The following RANBP2 variants were observed in gnomAD, a reference collection of about 807,000 sequenced individuals.
RANBP2 encodes the protein E3 SUMO-protein ligase RanBP2.
RANBP2 carries 57 observed loss-of-function variants against 303.6 expected under a neutral mutation model. That is an observed-to-expected ratio of 0.19 (90% CI 0.15 to 0.23). The LOEUF (loss-of-function observed/expected upper bound fraction) is 0.23, where lower values mean the gene tolerates loss of function less well. RANBP2 is among the 10% of genes least tolerant of loss of function. The pLI, the probability that RANBP2 is intolerant of heterozygous loss-of-function variation, is 1.00. For synonymous variants in RANBP2, 1,167 were observed against 1,301.5 expected (o/e 0.90, Z 2.23); for missense variants, 3,138 against 3,780.8 (o/e 0.83, Z 4.46).
At chr2:109,743,196 G>C in the RANBP2 span, among the ~76,000 whole-genome samples, 1 of 148,020 alleles carries the variant, frequency 6.8e-6, no homozygotes, top group South Asian at 2.2e-4. Context: ...GCTTGAACCT[G>C]GGAGGCCGAT....
At chr2:108,957,492 C>T in the RANBP2 span, among the ~76,000 whole-genome samples, 1 of 152,214 alleles carries the variant, frequency 6.6e-6, no homozygotes, top group Non-Finnish European at 1.5e-5. Context: ...GGAGGCCCCC[C>T]AGGGGGCTGG....
chr2:109,240,347 G>A, the RANBP2 span, among the ~76,000 whole-genome samples: 2 of 152,142 alleles, frequency 1.3e-5, no homozygotes, highest in African/African-American at 2.4e-5. Context: ...AATTAGTCAG[G>A]TGTGGTGGCT....
At chr2:109,374,587 C>G in the RANBP2 span, among the ~76,000 whole-genome samples, 2 of 152,180 alleles carry the variant, frequency 1.3e-5, no homozygotes, top group Non-Finnish European at 2.9e-5. Flanking sequence ...GAGCTTCCAT[C>G]TTGGGCTACT....
the RANBP2 span, among the ~76,000 whole-genome samples, chr2:109,062,511 G>T: frequency 6.6e-6 from 1 of 152,066 alleles, no homozygotes; most frequent in Non-Finnish European, 1.5e-5. Flanking sequence ...CCATGTGCAT[G>T]CACCTGAGTC....
the RANBP2 span, among the ~76,000 whole-genome samples, chr2:108,886,105 C>A: frequency 5.3e-5 from 8 of 152,112 alleles, no homozygotes; most frequent in Non-Finnish European, 8.8e-5. Flanking sequence ...ATATTGATTT[C>A]TTTTCCTTTG....
chr2:109,245,997 G>A, the RANBP2 span, among the ~76,000 whole-genome samples: 1 of 152,184 alleles, frequency 6.6e-6, no homozygotes, highest in Admixed American at 6.5e-5. Flanking sequence ...AAAAACCAGT[G>A]TGGTGAAACA....
the RANBP2 span, among the ~76,000 whole-genome samples, chr2:109,028,082 C>T: frequency 6.6e-6 from 1 of 152,118 alleles, no homozygotes; most frequent in Non-Finnish European, 1.5e-5. Context: ...CCAACCTGGG[C>T]AACATGGTGA....
At chr2:108,993,704 G>C in the RANBP2 span, among the ~76,000 whole-genome samples, 3 of 152,324 alleles carry the variant, frequency 2.0e-5, no homozygotes, top group Admixed American at 2.0e-4. Context: ...CCCTATTGGA[G>C]AATGAGATTC....
chr2:109,348,295 C>G, the RANBP2 span, among the ~76,000 whole-genome samples: 1 of 152,214 alleles, frequency 6.6e-6, no homozygotes, highest in Non-Finnish European at 1.5e-5. Context: ...AGCAGAATGA[C>G]GCCTTTCCAG....
the RANBP2 span, among the ~76,000 whole-genome samples, chr2:109,182,660 A>G: frequency 1.3e-5 from 2 of 152,372 alleles, no homozygotes; most frequent in South Asian, 2.1e-4. Flanking sequence ...TAATGGCTCC[A>G]GTTACATTGT....
chr2:108,993,673 C>A, the RANBP2 span, among the ~76,000 whole-genome samples: 1 of 152,146 alleles, frequency 6.6e-6, no homozygotes, highest in Non-Finnish European at 1.5e-5. Flanking sequence ...GAGGAAAGAG[C>A]TGGGCTTTGC....
the RANBP2 span, among the ~76,000 whole-genome samples, chr2:109,678,573 G>A: frequency 6.6e-6 from 1 of 152,224 alleles, no homozygotes; most frequent in African/African-American, 2.4e-5. Context: ...CATCTGTAAT[G>A]CAGAGAACCT....
Position 108,763,797 on chromosome 2 carries a change from A to G in RANBP2, c.3258A>G (p.Pro1086=). ...GAGATGGCTATAGTGGAGCCAAACC[A>G]ATTCCTGGTGGTCAAACCATTGGGC... The part of the protein sequence containing the change: ...LQGDGYSGAK[P]IPGGQTIGPR... The change falls in exon 20 of 29, where the codon CCA becomes CCG. Residue 1086 remains proline (P), a synonymous_variant. Coordinates refer to ENST00000283195, the MANE Select transcript of RANBP2 (RefSeq NM_006267.5). 1 of 1,614,122 alleles carries G rather than the reference A, an allele frequency of 6.2e-7. No individual in the cohort carries two copies.
chr2:109,411,990 A>T, the RANBP2 span, among the ~76,000 whole-genome samples: 1 of 151,950 alleles, frequency 6.6e-6, no homozygotes, highest in Non-Finnish European at 1.5e-5. Flanking sequence ...AAGGCCCCAG[A>T]CCCCTGAATG....
chr2:109,256,008 G>A, the RANBP2 span, among the ~76,000 whole-genome samples: 1 of 152,168 alleles, frequency 6.6e-6, no homozygotes, highest in Non-Finnish European at 1.5e-5. Flanking sequence ...GTGCTTGTAT[G>A]TAAATGTACA....
intron 28 of RANBP2, among the ~76,000 whole-genome samples, chr2:108,783,333 T>TTAA (rs1553503066): frequency 1.4e-3 from 60 of 41,428 alleles, no homozygotes; most frequent in African/African-American, 6.2e-3. Context: ...AGCCTGTCAT[T>TTAA]AAAAAAAAAA....
chr2:109,168,992 GA>G, the RANBP2 span, among the ~76,000 whole-genome samples: 1 of 152,194 alleles, frequency 6.6e-6, no homozygotes, highest in Non-Finnish European at 1.5e-5. Flanking sequence ...TGGCCTGGAA[GA>G]AAGGCAGCTC....
At chr2:108,952,609 T>C in the RANBP2 span, among the ~76,000 whole-genome samples, 4 of 152,274 alleles carry the variant, frequency 2.6e-5, no homozygotes, top group Non-Finnish European at 5.9e-5. Flanking sequence ...ATCTGTTCAC[T>C]CATTAAATCC....
chr2:109,161,132 T>G, the RANBP2 span, among the ~76,000 whole-genome samples: 114 of 152,298 alleles, frequency 7.5e-4, no homozygotes, highest in Admixed American at 2.7e-3. Context: ...TGATGTATCC[T>G]TGTTACTAGG....
Sources: gnomAD v4.1 joint callset for allele counts (sites outside exome capture counted in the v4.1 genomes callset) on GRCh38, gnomAD v4.1.1 for gene constraint, MANE v1.5 for transcripts, NCBI Gene and HGNC (gene_info 2026-07-23, HGNC 2026-07-21) for gene names.